Variants in DAAM1 observed in about 807,000 individuals in gnomAD.
DAAM1 encodes the protein disheveled-associated activator of morphogenesis 1.
A neutral mutation model predicts 130.0 loss-of-function variants in DAAM1; 52 were observed. That is an observed-to-expected ratio of 0.40 (90% CI 0.32 to 0.50). The LOEUF (loss-of-function observed/expected upper bound fraction) is 0.50, where lower values mean the gene tolerates loss of function less well. Ranked by LOEUF, DAAM1 falls within the 20% of genes least tolerant of loss-of-function variation. The pLI is 0.61. For missense variants in DAAM1, 1,134 were observed against 1,303.8 expected (o/e 0.87, Z 2.01); for synonymous variants, 452 against 444.5 (o/e 1.02, Z -0.21).
At chr14:59,300,419 C>G (rs904094605) in intron 3 of DAAM1, among the ~76,000 whole-genome samples, 4 of 152,182 alleles carry the variant, frequency 2.6e-5, no homozygotes, top group Admixed American at 1.3e-4. Context: ...TATTAGAAGT[C>G]TTAAACCTAA....
chr14:59,254,107 G>A (rs965436757), intron 1 of DAAM1, among the ~76,000 whole-genome samples: 5 of 152,188 alleles, frequency 3.3e-5, no homozygotes, highest in African/African-American at 4.8e-5. Flanking sequence ...CCAAAAGTGT[G>A]CTCCTTGTGG....
intron 2 of DAAM1, among the ~76,000 whole-genome samples, chr14:59,281,383 G>A (rs538699188): frequency 6.6e-5 from 10 of 152,298 alleles, no homozygotes; most frequent in African/African-American, 2.4e-4. Context: ...GTATTTAAAG[G>A]CAGGACGCTT....
intron 3 of DAAM1, among the ~76,000 whole-genome samples, chr14:59,300,586 A>G (rs1265104116): frequency 6.6e-6 from 1 of 152,220 alleles, no homozygotes; most frequent in African/African-American, 2.4e-5. Context: ...TATACAAAAA[A>G]GTACAGAATA....
chr14:59,219,550 G>A (rs183153198), intron 1 of DAAM1, among the ~76,000 whole-genome samples: 1 of 151,956 alleles, frequency 6.6e-6, no homozygotes, highest in Non-Finnish European at 1.5e-5. Flanking sequence ...TATAATTGGT[G>A]GTGCTTTTTT....
intron 12 of DAAM1, 55 bp from the exon 13 acceptor site, chr14:59,330,446 A>G (rs1885381537): frequency 6.8e-7 from 1 of 1,468,028 alleles, no homozygotes; most frequent in Non-Finnish European, 9.1e-7. Flanking sequence ...TTTAGAGAAA[A>G]TGCTTCAGCT....
At chr14:59,198,356 C>T (rs1433397000) in intron 1 of DAAM1, among the ~76,000 whole-genome samples, 1 of 152,042 alleles carries the variant, frequency 6.6e-6, no homozygotes. Context: ...CAGGTACCCG[C>T]CACCATGCCC....
At chr14:59,282,043 T>C (rs1167432148) in intron 2 of DAAM1, among the ~76,000 whole-genome samples, 1 of 152,170 alleles carries the variant, frequency 6.6e-6, no homozygotes, top group East Asian at 1.9e-4. Flanking sequence ...TGCTGTTCAT[T>C]GTCTGCAGTG....
At chr14:59,289,769 T>TAGATATATATATAG (rs1566686615) in intron 2 of DAAM1, among the ~76,000 whole-genome samples, 13 of 60,182 alleles carry the variant, frequency 2.2e-4, no homozygotes, top group Non-Finnish European at 4.2e-4. Context: ...CAAAATGTGA[T>TAGATATATATATAG]ATATATATAT....
chr14:59,222,563 A>G (rs1001323227), intron 1 of DAAM1, among the ~76,000 whole-genome samples: 1 of 152,154 alleles, frequency 6.6e-6, no homozygotes, highest in African/African-American at 2.4e-5. Flanking sequence ...TGCTGAGCCC[A>G]TGCCTAACCT....
chr14:59,244,456 CG>C (rs1881275919), intron 1 of DAAM1, among the ~76,000 whole-genome samples: 1 of 152,078 alleles, frequency 6.6e-6, no homozygotes, highest in Admixed American at 6.5e-5. Flanking sequence ...CTTGAGAAGC[CG>C]GGGGTGTATG....
intron 1 of DAAM1, among the ~76,000 whole-genome samples, chr14:59,208,473 G>A (rs991810262): frequency 3.3e-5 from 5 of 152,142 alleles, no homozygotes; most frequent in Admixed American, 1.3e-4. Context: ...TTTCGATGTG[G>A]CAGCTCACCA....
At chr14:59,224,386 G>A (rs562857770) in intron 1 of DAAM1, among the ~76,000 whole-genome samples, 1 of 152,334 alleles carries the variant, frequency 6.6e-6, no homozygotes, top group African/African-American at 2.4e-5. Context: ...CCTTGATGGT[G>A]GCACATCTCT....
At chr14:59,199,956 A>G (rs1039620819) in intron 1 of DAAM1, among the ~76,000 whole-genome samples, 1 of 152,170 alleles carries the variant, frequency 6.6e-6, no homozygotes, top group Non-Finnish European at 1.5e-5. Flanking sequence ...AGAGTTTTGG[A>G]TGGTCTGAAG....
At chr14:59,362,626 T>A (rs1186255077) in intron 22 of DAAM1, 2 of 125,800 alleles carry the variant, frequency 1.6e-5, no homozygotes, top group Admixed American at 8.0e-5. Flanking sequence ...ATGTGGATGT[T>A]GCCCTCTTAC....
At chr14:59,240,399 T>C (rs1285116084) in intron 1 of DAAM1, among the ~76,000 whole-genome samples, 1 of 152,208 alleles carries the variant, frequency 6.6e-6, no homozygotes, top group African/African-American at 2.4e-5. Context: ...AAGTGGACCA[T>C]GAATCAGGGT....
chr14:59,311,093 T>C (rs1884574981), intron 3 of DAAM1, among the ~76,000 whole-genome samples: 1 of 152,250 alleles, frequency 6.6e-6, no homozygotes, highest in Non-Finnish European at 1.5e-5. Context: ...CTTAATTTTC[T>C]AACTGCATTT....
intron 3 of DAAM1, among the ~76,000 whole-genome samples, chr14:59,314,782 G>A (rs1241770827): frequency 6.6e-6 from 1 of 152,166 alleles, no homozygotes; most frequent in Non-Finnish European, 1.5e-5. Context: ...CTCTTCATCT[G>A]AAGCAGTACT....
intron 16 of DAAM1, among the ~76,000 whole-genome samples, chr14:59,342,282 T>C (rs140490433): frequency 6.6e-6 from 1 of 152,218 alleles, no homozygotes; most frequent in South Asian, 2.1e-4. Flanking sequence ...GCCATTGGGC[T>C]GCATTGATAA....
chr14:59,210,217 A>C (rs1403537902), intron 1 of DAAM1, among the ~76,000 whole-genome samples: 2 of 152,242 alleles, frequency 1.3e-5, no homozygotes, highest in East Asian at 3.8e-4. Context: ...CTTGACAGTG[A>C]AAGAGCATTA....
Sources: allele counts gnomAD v4.1 joint callset (sites outside exome capture counted in the v4.1 genomes callset), GRCh38; gene constraint gnomAD v4.1.1; transcripts MANE v1.5; gene names NCBI Gene and HGNC (gene_info 2026-07-23, HGNC 2026-07-21).